The following MACROD2 variants were observed in gnomAD, a reference collection of about 807,000 sequenced individuals.
MACROD2 encodes mono-ADP ribosylhydrolase 2, also known as ADP-ribose glycohydrolase MACROD2.
MACROD2 carries 36 observed loss-of-function variants against 70.4 expected under a neutral mutation model. The observed-to-expected ratio is 0.51, with a 90% CI of 0.39 to 0.68. The LOEUF (loss-of-function observed/expected upper bound fraction) is 0.68, where lower values mean the gene tolerates loss of function less well. Ranked by LOEUF, MACROD2 falls within the 30% of genes least tolerant of loss-of-function variation. MACROD2 has a pLI of 0.00. For missense variants in MACROD2, 496 were observed against 538.4 expected (o/e 0.92, Z 0.78); for synonymous variants, 172 against 178.8 (o/e 0.96, Z 0.30).
chr20:15,941,280 G>T (rs1196396234), intron 12 of MACROD2, among the ~76,000 whole-genome samples: 1 of 152,094 alleles, frequency 6.6e-6, no homozygotes, highest in Non-Finnish European at 1.5e-5. Flanking sequence ...TTTACTTAGG[G>T]AAAATAGAAA....
At chr20:14,270,235 C>G (rs2082180068) in intron 3 of MACROD2, among the ~76,000 whole-genome samples, 1 of 152,044 alleles carries the variant, frequency 6.6e-6, no homozygotes, top group Non-Finnish European at 1.5e-5. Flanking sequence ...ACATATATGT[C>G]TACATACGTG....
chr20:15,535,413 T>C (rs2047861003), intron 8 of MACROD2, among the ~76,000 whole-genome samples: 1 of 152,198 alleles, frequency 6.6e-6, no homozygotes, highest in South Asian at 2.1e-4. Context: ...GAAATGCAGA[T>C]TCTCAGCCTC....
At chr20:15,651,312 C>T (rs1037024199) in intron 8 of MACROD2, among the ~76,000 whole-genome samples, 2 of 152,274 alleles carry the variant, frequency 1.3e-5, no homozygotes, top group African/African-American at 2.4e-5. Context: ...AAGCACAGCA[C>T]GCAAACTGCT....
chr20:14,046,712 CTCTTT>C (rs2053480767), intron 2 of MACROD2, among the ~76,000 whole-genome samples: 2 of 137,376 alleles, frequency 1.5e-5, no homozygotes, highest in African/African-American at 5.3e-5. Flanking sequence ...CCCAAGCATT[CTCTTT>C]TATTTATTTA....
At chr20:15,268,906 A>T (rs1002595225) in intron 6 of MACROD2, among the ~76,000 whole-genome samples, 1 of 152,220 alleles carries the variant, frequency 6.6e-6, no homozygotes, top group Non-Finnish European at 1.5e-5. Flanking sequence ...ACTTTGGGGA[A>T]TATGAAGCAG....
chr20:15,699,181 T>G (rs979225607), intron 8 of MACROD2, among the ~76,000 whole-genome samples: 11 of 152,102 alleles, frequency 7.2e-5, no homozygotes, highest in African/African-American at 2.7e-4. Flanking sequence ...CCAGGGTTGG[T>G]TTTCTGGTTC....
At chr20:14,925,016 AT>A (rs113262056) in intron 5 of MACROD2, among the ~76,000 whole-genome samples, 34 of 148,758 alleles carry the variant, frequency 2.3e-4, no homozygotes, top group East Asian at 9.8e-4. Flanking sequence ...TATTGGCACA[AT>A]TTTTTTTTTT....
At chr20:15,717,317 A>G (rs2050721176) in intron 8 of MACROD2, among the ~76,000 whole-genome samples, 2 of 152,256 alleles carry the variant, frequency 1.3e-5, no homozygotes, top group Non-Finnish European at 2.9e-5. Context: ...ACAGCCTGGT[A>G]GAGTTCAGGG....
At position 14,689,405 on chromosome 20, in the gene MACROD2, A is replaced by T. The variant is rs189900507; in HGVS notation, c.418+4446A>T. On this transcript the variant is annotated intron_variant, in intron 5 of 17. Coordinates refer to ENST00000684519, the MANE Select transcript of MACROD2 (RefSeq NM_001351661.2). The stretch of plus-strand genomic sequence containing the variant: ...ATGTATTGCTATATTCATATAGCTT[A>T]AAAAATGTGTGATATATAATAGGGG... Among the ~76,000 whole-genome samples the T allele has an allele frequency of 2.0e-5, 3 of 152,278 alleles. No homozygotes were observed. In the East Asian group the frequency reaches 5.8e-4, roughly 29 times the overall value.
At chr20:15,630,289 T>C (rs73260693) in intron 8 of MACROD2, among the ~76,000 whole-genome samples, 9 of 152,188 alleles carry the variant, frequency 5.9e-5, no homozygotes, top group Non-Finnish European at 1.2e-4. Flanking sequence ...ACAAAACTTC[T>C]GTGCTCTCTG....
intron 6 of MACROD2, among the ~76,000 whole-genome samples, chr20:15,360,201 G>A (rs2078335568): frequency 6.6e-6 from 1 of 152,084 alleles, no homozygotes; most frequent in Admixed American, 6.5e-5. Flanking sequence ...TTCTTTTATT[G>A]CAGAGTGGTA....
At chr20:15,693,274 A>G (rs966467531) in intron 8 of MACROD2, among the ~76,000 whole-genome samples, 1 of 152,194 alleles carries the variant, frequency 6.6e-6, no homozygotes, top group Non-Finnish European at 1.5e-5. Flanking sequence ...AACAAACACT[A>G]CGCATGAACT....
At chr20:15,792,494 T>C (rs935092874) in intron 8 of MACROD2, among the ~76,000 whole-genome samples, 1 of 152,034 alleles carries the variant, frequency 6.6e-6, no homozygotes, top group Non-Finnish European at 1.5e-5. Context: ...AAAAATACAC[T>C]TAACCCAAGG....
rs533584329 is a variant in MACROD2 at position 14,928,502 on chromosome 20, G to C, written c.418+243543G>C. Among the ~76,000 whole-genome samples, 4 of 152,298 alleles carry C rather than the reference G, an allele frequency of 2.6e-5. No homozygotes were observed. The South Asian group carries it at 8.3e-4, about 32-fold the overall frequency. ...TTTAAGGGTCAACTATTCTGACTTA[G>C]AGGAAGATAAAGCAAGTAGTAGGTA... is the stretch of plus-strand genomic sequence containing the variant. On this transcript the variant is annotated intron_variant, in intron 5 of 17. Coordinates refer to ENST00000684519, the MANE Select transcript of MACROD2 (RefSeq NM_001351661.2).
At chr20:15,555,339 A>G (rs1192961836) in intron 8 of MACROD2, among the ~76,000 whole-genome samples, 1 of 152,260 alleles carries the variant, frequency 6.6e-6, no homozygotes, top group African/African-American at 2.4e-5. Context: ...CTTGTAGACT[A>G]TCATTTGAAC....
chr20:14,865,003 A>T (rs1456951581), intron 5 of MACROD2, among the ~76,000 whole-genome samples: 2 of 152,092 alleles, frequency 1.3e-5, no homozygotes, highest in Non-Finnish European at 2.9e-5. Flanking sequence ...ATATATACGT[A>T]GGCAGAAGTG....
intron 5 of MACROD2, among the ~76,000 whole-genome samples, chr20:15,066,423 T>G (rs2123095307): frequency 6.6e-6 from 1 of 152,006 alleles, no homozygotes; most frequent in South Asian, 2.1e-4. Context: ...TGTGAGCCAC[T>G]GCGCCCAGCC....
chr20:15,748,998 AATACAAAGC>A (rs923311919), intron 8 of MACROD2, among the ~76,000 whole-genome samples: 1 of 152,066 alleles, frequency 6.6e-6, no homozygotes. Flanking sequence ...AGTGACAATA[AATACAAAGC>A]ATAGCTTTGT....
intron 15 of MACROD2, among the ~76,000 whole-genome samples, chr20:16,019,557 G>A (rs1445742326): frequency 6.6e-6 from 1 of 152,164 alleles, no homozygotes; most frequent in African/African-American, 2.4e-5. Flanking sequence ...AGGTGTGTGA[G>A]GGACTACTCC....
Sources: gnomAD v4.1 joint callset for allele counts (sites outside exome capture counted in the v4.1 genomes callset) on GRCh38, gnomAD v4.1.1 for gene constraint, MANE v1.5 for transcripts, NCBI Gene and HGNC (gene_info 2026-07-23, HGNC 2026-07-21) for gene names.